Variants in VPS45 observed in about 807,000 individuals in gnomAD.
VPS45 encodes vacuolar protein sorting-associated protein 45.
Under a neutral mutation model 75.9 loss-of-function variants are expected in VPS45, and 35 were observed. The observed-to-expected ratio is 0.46, with a 90% confidence interval of 0.35 to 0.61. VPS45 has a LOEUF of 0.61. Ranked by LOEUF, VPS45 falls within the 20% of genes least tolerant of loss-of-function variation. The pLI is 0.00. For synonymous variants in VPS45, 220 were observed against 238.2 expected, an observed-to-expected ratio of 0.92 and a Z score of 0.70; for missense variants, 559 against 685.9, an observed-to-expected ratio of 0.81 and a Z score of 2.07.
At chr1:150,132,126 A>G (rs1407492002) in intron 14 of VPS45, among the ~76,000 whole-genome samples, 6 of 152,218 alleles carry the variant, frequency 3.9e-5, no homozygotes, top group African/African-American at 1.2e-4. Flanking sequence ...TGTCAATGCC[A>G]TATAATAATC....
Position 150,144,804 on chromosome 1 carries a change from G to T in VPS45, c.*8G>T, listed in dbSNP as rs1553816197. On this transcript the variant is annotated 3_prime_UTR_variant, in exon 15 of 15. Coordinates refer to ENST00000644510, the MANE Select transcript of VPS45 (RefSeq NM_007259.5). ...TCAGCGAGCAGAAGATGAAACGGTG[G>T]TTGGGGGAAGGGCACAGCTTCCTCT... The T allele has an allele frequency of 6.2e-7, 1 of 1,614,018 alleles. No homozygotes were observed. The highest frequency in any genetic ancestry group is 1.7e-5 in the Admixed American group (1 of 60,002).
At chr1:150,098,968 A>G (rs1553803633) in intron 13 of VPS45, 7 of 1,146,592 alleles carry the variant, frequency 6.1e-6, no homozygotes, top group Admixed American at 8.8e-5. Context: ...TCATGTTTAT[A>G]CAAATGTAGT....
chr1:150,098,423 A>G (rs1269758486), intron 13 of VPS45, among the ~76,000 whole-genome samples: 9 of 152,216 alleles, frequency 5.9e-5, no homozygotes, highest in Admixed American at 5.9e-4. Context: ...GAAAATTTAA[A>G]CCAGAGAATA....
chr1:150,084,876 G>T (rs148713277), intron 10 of VPS45, among the ~76,000 whole-genome samples: 1 of 152,168 alleles, frequency 6.6e-6, no homozygotes, highest in African/African-American at 2.4e-5. Context: ...ACATGTAATA[G>T]GTGCTTTGTA....
Position 150,082,858 on chromosome 1 carries a change from A to G in VPS45, c.1079A>G (p.Gln360Arg), listed in dbSNP as rs782781358. The change falls in exon 10 of 15, where the codon CAA becomes CGA. Residue 360 changes from glutamine (Q) to arginine (R), a missense_variant. By Grantham distance (43) the Gln-to-Arg change is conservative (BLOSUM62 1). Transcript: ENST00000644510. ...GAGGTTGAGCAAGAACTGGCCTGTC[A>G]AAATGACCATTCTAGTGCTCTCCAG... The part of the protein sequence containing the change: ...VSEVEQELAC[Q>R]NDHSSALQNI... 1 of 1,614,124 alleles carries G rather than the reference A, an allele frequency of 6.2e-7. No individual in the cohort carries two copies. The highest frequency in any genetic ancestry group is 1.7e-5 in the Admixed American group (1 of 60,020).
intron 10 of VPS45, among the ~76,000 whole-genome samples, chr1:150,087,537 T>C (rs182266781): frequency 6.6e-6 from 1 of 152,298 alleles, no homozygotes; most frequent in African/African-American, 2.4e-5. Context: ...TTTCTCCTCT[T>C]CTCTGGTTAG....
intron 8 of VPS45, 84 bp downstream of exon 8, chr1:150,081,560 C>T: frequency 7.0e-7 from 1 of 1,430,574 alleles, no homozygotes; most frequent in South Asian, 1.3e-5. Context: ...TAGGGGCAGG[C>T]ATGGGATTTC....
chr1:150,096,289 T>C (rs587663056), intron 13 of VPS45, among the ~76,000 whole-genome samples: 2 of 152,264 alleles, frequency 1.3e-5, no homozygotes, highest in South Asian at 4.1e-4. Context: ...GGAGAGTGTA[T>C]TGGATCATGA....
chr1:150,074,428 C>G (rs1655254230), intron 3 of VPS45, among the ~76,000 whole-genome samples: 1 of 152,040 alleles, frequency 6.6e-6, no homozygotes, highest in South Asian at 2.1e-4. Flanking sequence ...GAGTAGTATT[C>G]CATGGTATGA....
rs959208864 is a variant in VPS45 at position 150,108,423 on chromosome 1, G to T, written c.1494-2073G>T. Among the ~76,000 whole-genome samples the T allele has an allele frequency of 2.6e-5, 4 of 152,086 alleles. No individual in the cohort carries two copies. In the East Asian group the frequency reaches 7.7e-4, roughly 29 times the overall value. On this transcript the variant is annotated intron_variant, in intron 13 of 14. Transcript: ENST00000644510. ...GAATTAAATATTTAATTTTATTTTG[G>T]TTAATTTAAATTTAAATAACCATAA...
intron 14 of VPS45, among the ~76,000 whole-genome samples, chr1:150,117,840 C>T (rs1553808728): frequency 6.6e-6 from 1 of 151,906 alleles, no homozygotes; most frequent in African/African-American, 2.4e-5. Flanking sequence ...GCCTGGGTGA[C>T]AGAGCAAGAC....
At chr1:150,084,590 C>T (rs960196408) in intron 10 of VPS45, among the ~76,000 whole-genome samples, 1 of 152,142 alleles carries the variant, frequency 6.6e-6, no homozygotes, top group South Asian at 2.1e-4. Context: ...TTCTAAGCCA[C>T]TTATAAGAAG....
At chr1:150,085,490 G>GGTTTCTT (rs1339083203) in intron 10 of VPS45, among the ~76,000 whole-genome samples, 12 of 151,848 alleles carry the variant, frequency 7.9e-5, no homozygotes, top group African/African-American at 2.7e-4. Flanking sequence ...TCTTGTCTAG[G>GGTTTCTT]GTATTGGGAT....
chr1:150,080,780 C>A (rs1173532788), intron 7 of VPS45, among the ~76,000 whole-genome samples: 1 of 152,162 alleles, frequency 6.6e-6, no homozygotes. Flanking sequence ...ACCAGTCCTT[C>A]CTCTCATCTC....
intron 14 of VPS45, among the ~76,000 whole-genome samples, chr1:150,118,717 T>G (rs782142538): frequency 3.9e-4 from 59 of 152,174 alleles, no homozygotes; most frequent in Admixed American, 1.7e-3. Flanking sequence ...CAACAAATCA[T>G]CCTTATATAA....
At chr1:150,117,764 C>T (rs1011853378) in intron 14 of VPS45, among the ~76,000 whole-genome samples, 2 of 151,732 alleles carry the variant, frequency 1.3e-5, no homozygotes. Flanking sequence ...GAGGCTGAGG[C>T]AGGAGAATCG....
chr1:150,075,047 A>G (rs72692893), intron 3 of VPS45, among the ~76,000 whole-genome samples: 15,169 of 136,218 alleles, frequency 0.11, 1,124 homozygotes, highest in Non-Finnish European at 0.17. Flanking sequence ...TGTAACCTCA[A>G]CTTCCCAGGT....
intron 13 of VPS45, among the ~76,000 whole-genome samples, chr1:150,098,060 G>T (rs1553803406): frequency 1.3e-5 from 2 of 152,062 alleles, no homozygotes; most frequent in Non-Finnish European, 2.9e-5. Flanking sequence ...TGTTGCCTAG[G>T]CTTGTCTCAA....
At chr1:150,115,909 C>T (rs1332386399) in intron 14 of VPS45, among the ~76,000 whole-genome samples, 2 of 152,152 alleles carry the variant, frequency 1.3e-5, no homozygotes, top group African/African-American at 4.8e-5. Flanking sequence ...TGGCACACAC[C>T]TATTAGATAG....
Sources: allele counts gnomAD v4.1 joint callset (sites outside exome capture counted in the v4.1 genomes callset), GRCh38; gene constraint gnomAD v4.1.1; transcripts MANE v1.5; gene names NCBI Gene and HGNC (gene_info 2026-07-23, HGNC 2026-07-21).